The following SLCO5A1 variants were observed in gnomAD, a reference collection of about 807,000 sequenced individuals.
SLCO5A1 encodes the protein solute carrier organic anion transporter family member 5A1, also known as organic anion transporter polypeptide-related protein 4.
Under a neutral mutation model 65.1 loss-of-function variants are expected in SLCO5A1, and 39 were observed. That is an observed-to-expected ratio of 0.60 (90% CI 0.46 to 0.78). The LOEUF (loss-of-function observed/expected upper bound fraction) is 0.78. Ranked by LOEUF, SLCO5A1 falls within the 30% of genes least tolerant of loss-of-function variation. The pLI is 0.00. For synonymous variants in SLCO5A1, 438 were observed against 415.7 expected, an observed-to-expected ratio of 1.05 and a Z score of -0.65; for missense variants, 1,029 against 1,069.4, an observed-to-expected ratio of 0.96 and a Z score of 0.53.
At chr8:69,756,075 A>T (rs554181512) in intron 3 of SLCO5A1, among the ~76,000 whole-genome samples, 34 of 152,338 alleles carry the variant, frequency 2.2e-4, no homozygotes, top group Admixed American at 1.9e-3. Flanking sequence ...ATCCCATGTG[A>T]AATATGTTTT....
At chr8:69,696,721 T>C (rs1290211537) in intron 6 of SLCO5A1, among the ~76,000 whole-genome samples, 1 of 152,094 alleles carries the variant, frequency 6.6e-6, no homozygotes, top group Admixed American at 6.6e-5. Flanking sequence ...AAGCCCAGAA[T>C]AAACAAACAG....
At chr8:69,762,506 T>C (rs2130865148) in intron 2 of SLCO5A1, among the ~76,000 whole-genome samples, 1 of 151,994 alleles carries the variant, frequency 6.6e-6, no homozygotes, top group Admixed American at 6.5e-5. Context: ...ATATAAGTGT[T>C]CAGACCCCAC....
At chr8:69,681,421 C>T (rs1394960414) in intron 7 of SLCO5A1, among the ~76,000 whole-genome samples, 1 of 152,080 alleles carries the variant, frequency 6.6e-6, no homozygotes, top group Non-Finnish European at 1.5e-5. Flanking sequence ...TGGAGAAACC[C>T]CGTCTCTACT....
At chr8:69,742,601 C>G (rs1162881674) in intron 4 of SLCO5A1, among the ~76,000 whole-genome samples, 2 of 152,086 alleles carry the variant, frequency 1.3e-5, no homozygotes, top group African/African-American at 2.4e-5. Context: ...ATAGCATTGG[C>G]AGATCATTTG....
At chr8:69,805,201 C>T (rs942996853) in intron 2 of SLCO5A1, among the ~76,000 whole-genome samples, 7 of 152,136 alleles carry the variant, frequency 4.6e-5, no homozygotes, top group African/African-American at 1.7e-4. Context: ...CTGCCAGCCA[C>T]TAGCCTACTG....
chr8:69,677,603 A>G (rs1813602867), intron 8 of SLCO5A1, among the ~76,000 whole-genome samples: 1 of 152,202 alleles, frequency 6.6e-6, no homozygotes, highest in African/African-American at 2.4e-5. Flanking sequence ...AGCAATTTGC[A>G]AAGTGCTGCA....
intron 2 of SLCO5A1, chr8:69,794,567 T>C (rs1240119824): frequency 8.8e-6 from 3 of 339,106 alleles, no homozygotes; most frequent in Non-Finnish European, 1.8e-5. Context: ...TCATAACTAT[T>C]TTATTGAAGA....
chr8:69,702,873 T>G (rs1169166796), intron 6 of SLCO5A1, among the ~76,000 whole-genome samples: 1 of 151,666 alleles, frequency 6.6e-6, no homozygotes, highest in Non-Finnish European at 1.5e-5. Flanking sequence ...CTTTGGGAAG[T>G]GGGGGCAGGA....
intron 6 of SLCO5A1, among the ~76,000 whole-genome samples, chr8:69,701,928 C>T (rs1278265828): frequency 6.6e-6 from 1 of 152,174 alleles, no homozygotes; most frequent in African/African-American, 2.4e-5. Context: ...GATTTGACCA[C>T]AATTTGTAAA....
intron 2 of SLCO5A1, among the ~76,000 whole-genome samples, chr8:69,764,691 T>C (rs996261692): frequency 2.6e-5 from 4 of 152,224 alleles, no homozygotes; most frequent in African/African-American, 9.6e-5. Flanking sequence ...TTTTCTGTTA[T>C]AGGTATTCCC....
chr8:69,704,835 G>A (rs1245533671), intron 6 of SLCO5A1, 196 bp downstream of exon 6: 2 of 580,862 alleles, frequency 3.4e-6, no homozygotes. Flanking sequence ...GGGTCAGAAG[G>A]GGCACAGAGG....
At chr8:69,735,995 G>A (rs540759187) in intron 5 of SLCO5A1, among the ~76,000 whole-genome samples, 5 of 152,238 alleles carry the variant, frequency 3.3e-5, no homozygotes, top group African/African-American at 1.2e-4. Flanking sequence ...ATGTGACCTG[G>A]AAATAAAAAG....
intron 4 of SLCO5A1, among the ~76,000 whole-genome samples, chr8:69,752,513 T>C (rs921393454): frequency 2.0e-5 from 3 of 151,818 alleles, no homozygotes; most frequent in Non-Finnish European, 4.4e-5. Context: ...ATATTAAATA[T>C]GAGTCACTTT....
intron 2 of SLCO5A1, among the ~76,000 whole-genome samples, chr8:69,793,157 T>C (rs1819342721): frequency 6.6e-6 from 1 of 152,110 alleles, no homozygotes; most frequent in Admixed American, 6.5e-5. Flanking sequence ...ACTTTTTGTG[T>C]GTTTTTAGTA....
chr8:69,698,362 A>C (rs542104916), intron 6 of SLCO5A1, among the ~76,000 whole-genome samples: 36 of 152,084 alleles, frequency 2.4e-4, no homozygotes, highest in Non-Finnish European at 4.9e-4. Flanking sequence ...ATTCCTTTGG[A>C]TATATAACCA....
chr8:69,694,893 GA>G (rs1443768926), intron 6 of SLCO5A1, among the ~76,000 whole-genome samples: 1 of 152,194 alleles, frequency 6.6e-6, no homozygotes, highest in Admixed American at 6.5e-5. Context: ...AACTAAGTGA[GA>G]AAAGGTGTAC....
intron 5 of SLCO5A1, among the ~76,000 whole-genome samples, chr8:69,719,081 C>T (rs943552065): frequency 1.3e-5 from 2 of 152,074 alleles, no homozygotes; most frequent in African/African-American, 4.8e-5. Context: ...TACCAGGAGT[C>T]CAGGATAATA....
intron 6 of SLCO5A1, among the ~76,000 whole-genome samples, chr8:69,698,476 G>A (rs543074695): frequency 1.3e-5 from 2 of 152,306 alleles, no homozygotes; most frequent in African/African-American, 4.8e-5. Flanking sequence ...CCCACCAGCA[G>A]TGTATAAGCA....
At chr8:69,693,107 A>C (rs1283170729) in intron 6 of SLCO5A1, among the ~76,000 whole-genome samples, 1 of 152,238 alleles carries the variant, frequency 6.6e-6, no homozygotes, top group Non-Finnish European at 1.5e-5. Context: ...GGAATTTTTC[A>C]GCTCCATTAC....
Sources: gnomAD v4.1 joint callset for allele counts (sites outside exome capture counted in the v4.1 genomes callset) on GRCh38, gnomAD v4.1.1 for gene constraint, MANE v1.5 for transcripts, NCBI Gene and HGNC (gene_info 2026-07-23, HGNC 2026-07-21) for gene names.